The following HS3ST3B1 variants were observed in gnomAD, a reference collection of about 807,000 sequenced individuals.
HS3ST3B1 encodes the protein heparan sulfate glucosamine 3-O-sulfotransferase 3B1.
Under a neutral mutation model 21.3 loss-of-function variants are expected in HS3ST3B1, and 13 were observed. That is an observed-to-expected ratio of 0.61 (90% CI 0.40 to 0.97). The LOEUF (loss-of-function observed/expected upper bound fraction) is 0.97. Ranked by LOEUF, HS3ST3B1 falls within the 50% of genes least tolerant of loss-of-function variation. The pLI is 0.00. For missense variants in HS3ST3B1, 459 were observed against 554.8 expected, an observed-to-expected ratio of 0.83 and a Z score of 1.73; for synonymous variants, 234 against 254.8, an observed-to-expected ratio of 0.92 and a Z score of 0.78.
chr17:14,344,972 G>C, intron 1 of HS3ST3B1, 56 bp from the exon 2 acceptor site: 1 of 1,577,200 alleles, frequency 6.3e-7, no homozygotes, highest in Non-Finnish European at 8.6e-7. Flanking sequence ...ACCTTAAGAC[G>C]TGTGGCCAGA....
chr17:14,319,349 C>G (rs1392728449), intron 1 of HS3ST3B1, among the ~76,000 whole-genome samples: 2 of 152,092 alleles, frequency 1.3e-5, no homozygotes, highest in Non-Finnish European at 1.5e-5. Context: ...TACCCTCCTC[C>G]CAGAGGAAAT....
At chr17:14,316,564 C>T (rs899808303) in intron 1 of HS3ST3B1, among the ~76,000 whole-genome samples, 11 of 152,096 alleles carry the variant, frequency 7.2e-5, no homozygotes, top group African/African-American at 2.4e-4. Flanking sequence ...CCCTGTGTGG[C>T]GCTTGTGGTC....
intron 1 of HS3ST3B1, among the ~76,000 whole-genome samples, chr17:14,333,607 C>A (rs1910091299): frequency 6.8e-6 from 1 of 147,528 alleles, no homozygotes; most frequent in South Asian, 2.2e-4. Context: ...GGTGAGGGGG[C>A]GGGGTAGGGT....
At chr17:14,343,256 A>G (rs1463278990) in intron 1 of HS3ST3B1, among the ~76,000 whole-genome samples, 1 of 151,384 alleles carries the variant, frequency 6.6e-6, no homozygotes, top group East Asian at 1.9e-4. Flanking sequence ...AAAAAAAAAG[A>G]AAAGAAAAGA....
rs926118424 is a variant in HS3ST3B1 at position 14,302,634 on chromosome 17, C to G, written c.554+562C>G. Among the ~76,000 whole-genome samples the G allele has an allele frequency of 2.6e-4, 40 of 152,042 alleles. 1 individual carries two copies. Among genetic ancestry groups the G allele is most frequent in the African/African-American group, 9.7e-4 (40 of 41,432 alleles). ...AACCCCAAGGGTGTCAGACCCGCCT[C>G]GCTCGCGAGCCGCCTGGGCTCGGGA... is the stretch of plus-strand genomic sequence containing the variant. On this transcript the variant is annotated intron_variant, in intron 1 of 1. Transcript: ENST00000360954.
chr17:14,342,474 C>T (rs975597087), intron 1 of HS3ST3B1, among the ~76,000 whole-genome samples: 5 of 152,024 alleles, frequency 3.3e-5, no homozygotes, highest in African/African-American at 7.3e-5. Flanking sequence ...TACAAACTAG[C>T]GCTTATACAC....
chr17:14,326,604 T>C (rs1034358631), intron 1 of HS3ST3B1, among the ~76,000 whole-genome samples: 4 of 152,194 alleles, frequency 2.6e-5, no homozygotes, highest in African/African-American at 4.8e-5. Context: ...CTTTTGTTCC[T>C]GATTTCTTCA....
intron 1 of HS3ST3B1, among the ~76,000 whole-genome samples, chr17:14,316,116 CCG>C (rs1383246810): frequency 1.3e-5 from 2 of 152,066 alleles, no homozygotes; most frequent in East Asian, 1.9e-4. Flanking sequence ...TCCTGTGCTC[CCG>C]CTCTCTCTCC....
At chr17:14,323,577 C>CT (rs111916469) in intron 1 of HS3ST3B1, among the ~76,000 whole-genome samples, 11,302 of 147,884 alleles carry the variant, frequency 0.076, 732 homozygotes, top group Admixed American at 0.17. Flanking sequence ...GTTTTATGTG[C>CT]TTTTTTTTTT....
intron 1 of HS3ST3B1, among the ~76,000 whole-genome samples, chr17:14,325,572 G>A (rs1013095755): frequency 4.6e-5 from 7 of 152,192 alleles, no homozygotes; most frequent in Non-Finnish European, 8.8e-5. Flanking sequence ...AAGTTGCAGA[G>A]TCTCTCAAAA....
chr17:14,324,747 G>A (rs1909755020), intron 1 of HS3ST3B1, among the ~76,000 whole-genome samples: 1 of 152,064 alleles, frequency 6.6e-6, no homozygotes, highest in Non-Finnish European at 1.5e-5. Flanking sequence ...CTGAGTAGCT[G>A]GGACTACAGG....
At chr17:14,305,693 A>G (rs1011072463) in intron 1 of HS3ST3B1, among the ~76,000 whole-genome samples, 9 of 152,188 alleles carry the variant, frequency 5.9e-5, no homozygotes, top group African/African-American at 2.2e-4. Flanking sequence ...TGCGTTATAC[A>G]AAATAAGCTG....
Position 14,301,555 on chromosome 17 carries a change from G to A in HS3ST3B1, c.37G>A (p.Asp13Asn), listed in dbSNP as rs974794934. The A allele has an allele frequency of 6.3e-7, 1 of 1,586,832 alleles. No individual in the cohort carries two copies. The highest frequency in any genetic ancestry group is 1.7e-5 in the Admixed American group (1 of 58,146). Residue 13 changes from aspartate (D) to asparagine (N), a missense_variant, in exon 1 of 2, where the codon GAT becomes AAT. Physicochemically the swap from Asp to Asn is conservative, Grantham distance 23. This residue lies in a region of HS3ST3B1 where 317 missense variants were observed against 278.6 expected (regional missense o/e 1.14). Transcript: ENST00000360954. ...CCTGAGTGGCGGCAGATCTTGCCTC[G>A]ATGTCCCCGGCCGGCTCCTACCGCA... ...QRLSGGRSCL[D>N]VPGRLLPQPP...
intron 1 of HS3ST3B1, among the ~76,000 whole-genome samples, chr17:14,331,194 T>G (rs1333861989): frequency 6.6e-6 from 1 of 152,184 alleles, no homozygotes; most frequent in Non-Finnish European, 1.5e-5. Flanking sequence ...TCACAGGATT[T>G]GTCCCGGCAT....
chr17:14,339,804 G>T (rs1686170985), intron 1 of HS3ST3B1, among the ~76,000 whole-genome samples: 1 of 152,198 alleles, frequency 6.6e-6, no homozygotes, highest in Admixed American at 6.5e-5. Flanking sequence ...GGCTGCTGAG[G>T]TTGCTGGGAT....
At chr17:14,315,110 GGCAAATCTTAGGGTCA>G (rs1296018154) in intron 1 of HS3ST3B1, among the ~76,000 whole-genome samples, 1 of 152,056 alleles carries the variant, frequency 6.6e-6, no homozygotes, top group East Asian at 1.9e-4. Context: ...TTCCCCAGTT[GGCAAATCTTAGGGTCA>G]GCCTTTTGCT....
At chr17:14,319,601 C>T (rs1909595946) in intron 1 of HS3ST3B1, among the ~76,000 whole-genome samples, 1 of 152,122 alleles carries the variant, frequency 6.6e-6, no homozygotes, top group Non-Finnish European at 1.5e-5. Context: ...CACTGGGTAC[C>T]TATTTTATGA....
At chr17:14,339,793 A>T (rs1437000307) in intron 1 of HS3ST3B1, among the ~76,000 whole-genome samples, 2 of 152,174 alleles carry the variant, frequency 1.3e-5, no homozygotes, top group African/African-American at 2.4e-5. Context: ...GGGGCTGGAC[A>T]GGCTGCTGAG....
intron 1 of HS3ST3B1, chr17:14,328,712 C>A (rs1049728779): frequency 2.0e-5 from 3 of 152,140 alleles, no homozygotes; most frequent in African/African-American, 7.2e-5. Flanking sequence ...GAAAGTGCTT[C>A]TTTTCCACCT....
Sources: allele counts gnomAD v4.1 joint callset (sites outside exome capture counted in the v4.1 genomes callset), GRCh38; gene constraint gnomAD v4.1.1; regional missense constraint gnomAD v4.1.1; transcripts MANE v1.5; gene names NCBI Gene and HGNC (gene_info 2026-07-23, HGNC 2026-07-21).